The following CAMKK1 variants were observed in gnomAD, a reference collection of about 807,000 sequenced individuals.
The protein encoded by CAMKK1 is calcium/calmodulin dependent protein kinase kinase 1.
Under a neutral mutation model 63.5 loss-of-function variants are expected in CAMKK1, and 20 were observed. That is an observed-to-expected ratio of 0.32 (90% CI 0.22 to 0.46). The LOEUF (loss-of-function observed/expected upper bound fraction) is 0.46. Among genes scored for constraint, CAMKK1 ranks in the 20% least tolerant of loss-of-function variants. The pLI, the probability that CAMKK1 is intolerant of heterozygous loss-of-function variation, is 1.00. For synonymous variants in CAMKK1, 253 were observed against 269.0 expected (o/e 0.94, Z 0.58); for missense variants, 588 against 658.1 (o/e 0.89, Z 1.17).
Position 3,892,333 on chromosome 17 carries a change from T to A in CAMKK1, c.-44+606A>T, listed in dbSNP as rs1337778064. 6.7e-6 allele frequency among the ~76,000 whole-genome samples: 1 copy of A among 148,608 alleles called. No homozygotes were observed. Among genetic ancestry groups the A allele is most frequent in the African/African-American group, 2.5e-5 (1 of 39,694 alleles). On this transcript the variant is annotated intron_variant, in intron 1 of 15. Coordinates refer to ENST00000348335, the MANE Select transcript of CAMKK1 (RefSeq NM_032294.3). This position sits in a 1 kb window ranked among gnomAD's most constrained non-coding sequence, Gnocchi z 7.5. ...TCCACGTGACACACGCACACCCGCC[T>A]CCAAACAGCACACGCAGGTCCCTGC...
chr17:3,862,390 C>T lies in CAMKK1; in HGVS notation c.1446-107G>A, dbSNP rs145132744. On this transcript the variant is annotated intron_variant, in intron 15 of 15. Transcript: ENST00000348335. The surrounding 1 kb of genome is among the most constrained non-coding windows in gnomAD (Gnocchi z 4.1). The stretch of plus-strand genomic sequence containing the variant: ...AATCTGAATCCCACATCTCTCAAAG[C>T]CCCCTTCACCCACTGCCCCAAGCTT... 5.3e-6 allele frequency: 5 copies of T among 950,702 alleles called. No homozygotes were observed. The highest frequency in any genetic ancestry group is 8.1e-6 in the Non-Finnish European group (5 of 614,008). 58.9% of individuals were successfully genotyped at this position (950,702 alleles called of 1,614,324 possible).
chr17:3,869,997 G>C, intron 12 of CAMKK1, 109 bp from the exon 13 acceptor site: 1 of 851,512 alleles, frequency 1.2e-6, no homozygotes, highest in African/African-American at 1.7e-5. Flanking sequence ...ACTGAGTTCC[G>C]GACAGCAGGC....
In CAMKK1 at chr17:3,887,886, C is replaced by G. The variant is rs891809546; in HGVS notation, c.-43-2156G>C. Reference sequence around the variant, plus strand: ...ACCCCTCCGCCCCTTCCCCTCACTCCGCATGCCTTGTTTTTCCCTCCCGAA... The same window carrying G: ...ACCCCTCCGCCCCTTCCCCTCACTCGGCATGCCTTGTTTTTCCCTCCCGAA... On this transcript the variant is annotated intron_variant, in intron 1 of 15. Transcript: ENST00000348335. This position sits in a 1 kb window ranked among gnomAD's most constrained non-coding sequence, Gnocchi z 6.1. Among the ~76,000 whole-genome samples, 6 of 152,162 alleles carry G rather than the reference C, an allele frequency of 3.9e-5. No individual in the cohort carries two copies. The East Asian group carries it at 1.2e-3, about 29-fold the overall frequency.
Position 3,884,512 on chromosome 17 carries a change from T to C in CAMKK1, c.361-85A>G. ...TCAGAGCCCGTTCAGGGTCCAATTC[T>C]GGCCATAAGCTCCTCATTCCCGGAC... On this transcript the variant is annotated intron_variant, in intron 2 of 15. Transcript: ENST00000348335. This position sits in a 1 kb window ranked among gnomAD's most constrained non-coding sequence, Gnocchi z 4.5. 1.5e-6 allele frequency: 2 copies of C among 1,330,090 alleles called. No individual in the cohort carries two copies. The highest frequency in any genetic ancestry group is 2.1e-6 in the Non-Finnish European group (2 of 950,102). The allele number at this position is 1,330,090 out of a possible 1,614,324, so 82.4% of individuals were successfully genotyped here.
intron 8 of CAMKK1, among the ~76,000 whole-genome samples, chr17:3,880,959 AC>A (rs914747523): frequency 4.6e-5 from 7 of 152,206 alleles, no homozygotes; most frequent in African/African-American, 1.7e-4. Context: ...TCTTAAAGGG[AC>A]ACCACTCCCT....
chr17:3,891,808 G>T (rs1231384551), intron 1 of CAMKK1, among the ~76,000 whole-genome samples: 1 of 152,168 alleles, frequency 6.6e-6, no homozygotes, highest in African/African-American at 2.4e-5. Flanking sequence ...TGGGACTCCG[G>T]GCTTGGTTTG....
chr17:3,862,050 G>C lies in CAMKK1; in HGVS notation c.*161C>G. Reference sequence around the variant, plus strand: ...TGACATACATTCCAGTCTGTCCCTGGACGTGCGTGCGTGGAGGTCATGCAG... The same window carrying C: ...TGACATACATTCCAGTCTGTCCCTGCACGTGCGTGCGTGGAGGTCATGCAG... On this transcript the variant is annotated 3_prime_UTR_variant, in exon 16 of 16. Coordinates refer to ENST00000348335, the MANE Select transcript of CAMKK1 (RefSeq NM_032294.3). The surrounding 1 kb of genome is among the most constrained non-coding windows in gnomAD (Gnocchi z 4.1). The C allele has an allele frequency of 3.2e-6, 2 of 624,256 alleles. No homozygotes were observed. The highest frequency in any genetic ancestry group is 5.7e-6 in the Non-Finnish European group (2 of 350,678). 38.7% of individuals were successfully genotyped at this position (624,256 alleles called of 1,614,324 possible).
At position 3,879,403 on chromosome 17, in the gene CAMKK1, T is replaced by A. The variant is rs1296626968; in HGVS notation, c.796+943A>T. 2.0e-5 allele frequency: 3 copies of A among 152,586 alleles called. No individual in the cohort carries two copies. Among genetic ancestry groups the A allele is most frequent in the African/African-American group, 7.2e-5 (3 of 41,436 alleles). 9.5% of individuals were successfully genotyped at this position (152,586 alleles called of 1,614,324 possible). On this transcript the variant is annotated intron_variant, in intron 9 of 15. Coordinates refer to ENST00000348335, the MANE Select transcript of CAMKK1 (RefSeq NM_032294.3). The surrounding 1 kb of genome is among the most constrained non-coding windows in gnomAD (Gnocchi z 4.5). ...CAGACAGAGCTTTCTCAGGCACAAA[T>A]CCCATCACGCCCCTCCCCATGCTTA...
chr17:3,865,518 T>A, intron 15 of CAMKK1: 2 of 1,027,204 alleles, frequency 1.9e-6, no homozygotes, highest in Non-Finnish European at 2.3e-6. Context: ...AACATCAGCC[T>A]GTCTGCAAAC....
Position 3,883,341 on chromosome 17 carries a change from AT to A in CAMKK1, c.514+87del. ...CTCACGCTGTCTCCCTCTCTACCCC[AT>A]TCCTAGCCAAAACTAGCTCAGGATC... On this transcript the variant is annotated intron_variant, in intron 5 of 15. Transcript: ENST00000348335. This position sits in a 1 kb window ranked among gnomAD's most constrained non-coding sequence, Gnocchi z 4.7. The A allele has an allele frequency of 6.7e-7, 1 of 1,500,418 alleles. No homozygotes were observed. The highest frequency in any genetic ancestry group is 9.3e-7 in the Non-Finnish European group (1 of 1,077,808). 92.9% of individuals were successfully genotyped at this position (1,500,418 alleles called of 1,614,324 possible).
chr17:3,875,796 C>A (rs560912449), intron 10 of CAMKK1, among the ~76,000 whole-genome samples: 4 of 152,190 alleles, frequency 2.6e-5, no homozygotes, highest in Non-Finnish European at 4.4e-5. Flanking sequence ...CTCTGCCCCC[C>A]ACCCTGAGCC....
chr17:3,883,562 G>C lies in CAMKK1; in HGVS notation c.463-82C>G. 1 of 1,134,196 alleles carries C rather than the reference G, an allele frequency of 8.8e-7. No individual in the cohort carries two copies. Among genetic ancestry groups the C allele is most frequent in the Non-Finnish European group, 1.3e-6 (1 of 743,074 alleles). The allele number at this position is 1,134,196 out of a possible 1,614,324, so 70.3% of individuals were successfully genotyped here. On this transcript the variant is annotated intron_variant, in intron 4 of 15. Transcript: ENST00000348335. This position sits in a 1 kb window ranked among gnomAD's most constrained non-coding sequence, Gnocchi z 4.7. ...GCTGGTACATGTGGACTGAGGTCCG[G>C]AGAGGCACACTGGACATCTGCTACT...
At chr17:3,891,734 A>T (rs2055910636) in intron 1 of CAMKK1, among the ~76,000 whole-genome samples, 2 of 152,182 alleles carry the variant, frequency 1.3e-5, no homozygotes, top group African/African-American at 4.8e-5. Flanking sequence ...AGCACTGAGC[A>T]GGATTTCAGG....
Position 3,871,580 on chromosome 17 carries a change from T to A in CAMKK1, c.1124+974A>T, listed in dbSNP as rs191145860. 4.9e-3 allele frequency among the ~76,000 whole-genome samples: 733 copies of A among 149,206 alleles called. 27 individuals are homozygous for A. Among genetic ancestry groups the A allele is most frequent in the African/African-American group, 0.017 (693 of 39,798 alleles). ...ACCGTGTTAGCCAGGATGGTCTCGATCTCCTGACCTCGTGATCCGCCCTCC... is the reference window on the plus strand; with the variant it reads ...ACCGTGTTAGCCAGGATGGTCTCGAACTCCTGACCTCGTGATCCGCCCTCC... On this transcript the variant is annotated intron_variant, in intron 12 of 15. Coordinates refer to ENST00000348335, the MANE Select transcript of CAMKK1 (RefSeq NM_032294.3).
intron 10 of CAMKK1, among the ~76,000 whole-genome samples, chr17:3,874,978 C>T (rs1294723834): frequency 2.0e-5 from 3 of 151,730 alleles, no homozygotes; most frequent in African/African-American, 4.8e-5. Flanking sequence ...AAAAATTAGC[C>T]GGGCGTGGTG....
chr17:3,868,829 A>G (rs1225667304), intron 14 of CAMKK1, among the ~76,000 whole-genome samples: 1 of 145,864 alleles, frequency 6.9e-6, no homozygotes, highest in Non-Finnish European at 1.5e-5. Context: ...ATTTTTTTGT[A>G]TTTTTAGTAG....
intron 9 of CAMKK1, 51 bp downstream of exon 9, chr17:3,880,295 C>G (rs1248926314): frequency 6.6e-7 from 1 of 1,507,244 alleles, no homozygotes; most frequent in African/African-American, 1.4e-5. Flanking sequence ...GCTCTGCCGC[C>G]TGCCAGATCC....
chr17:3,886,996 C>T (rs1417590708), intron 1 of CAMKK1, among the ~76,000 whole-genome samples: 1 of 152,168 alleles, frequency 6.6e-6, no homozygotes, highest in Non-Finnish European at 1.5e-5. Flanking sequence ...CAACTGAGAA[C>T]ATGGGTCTCA....
chr17:3,883,884 A>G lies in CAMKK1; in HGVS notation c.462T>C (p.Tyr154=), dbSNP rs775995143. The G allele has an allele frequency of 5.0e-6, 8 of 1,613,592 alleles. No individual in the cohort carries two copies. In the East Asian group the frequency reaches 1.1e-4, roughly 22 times the overall value. Residue 154 remains tyrosine, a splice_region_variant and synonymous_variant, in exon 4 of 16, where the codon TAT becomes TAC. Coordinates refer to ENST00000348335, the MANE Select transcript of CAMKK1 (RefSeq NM_032294.3). The surrounding 1 kb of genome is among the most constrained non-coding windows in gnomAD (Gnocchi z 4.7). ...LAYNESEDRH[Y]AMKVLSKKKL... ...ACCTCCCTCGTATCCCCAGACTCAC[A>G]TAGTGTCTGTCTTCACTTTCGTTGT... is the stretch of plus-strand genomic sequence containing the variant.
Sources: gnomAD v4.1 joint callset for allele counts (sites outside exome capture counted in the v4.1 genomes callset) on GRCh38, gnomAD v4.1.1 for gene constraint, Gnocchi (gnomAD v3.1) non-coding constraint, MANE v1.5 for transcripts, NCBI Gene and HGNC (gene_info 2026-07-23, HGNC 2026-07-21) for gene names.